SDC2: variants seen among roughly 807,000 people sequenced by gnomAD.
SDC2 encodes the protein syndecan-2.
SDC2 carries 13 observed loss-of-function variants against 22.2 expected under a neutral mutation model. The observed-to-expected ratio is 0.59, with a 90% CI of 0.38 to 0.93. SDC2 has a LOEUF of 0.93. Ranked by LOEUF, SDC2 falls within the 40% of genes least tolerant of loss-of-function variation. SDC2 has a pLI of 0.00. For missense variants in SDC2, 235 were observed against 246.8 expected (o/e 0.95, Z 0.32); for synonymous variants, 94 against 92.8 (o/e 1.01, Z -0.07).
At chr8:96,597,916 T>C (rs1814907226) in intron 2 of SDC2, among the ~76,000 whole-genome samples, 1 of 152,264 alleles carries the variant, frequency 6.6e-6, no homozygotes, top group South Asian at 2.1e-4. Flanking sequence ...TCCAAATTCA[T>C]ACATGCAAAT....
At chr8:96,578,883 T>C (rs1814546288) in intron 1 of SDC2, among the ~76,000 whole-genome samples, 2 of 152,204 alleles carry the variant, frequency 1.3e-5, no homozygotes, top group African/African-American at 4.8e-5. Flanking sequence ...GGAATTAAAC[T>C]TCCCAACTAA....
chr8:96,565,296 G>T (rs945338696), intron 1 of SDC2, among the ~76,000 whole-genome samples: 1 of 150,708 alleles, frequency 6.6e-6, no homozygotes, highest in Non-Finnish European at 1.5e-5. Context: ...CATGTTGGCC[G>T]GGATGGTCTC....
chr8:96,517,696 T>C (rs958076062), intron 1 of SDC2, among the ~76,000 whole-genome samples: 1 of 150,488 alleles, frequency 6.6e-6, no homozygotes, highest in African/African-American at 2.4e-5. Flanking sequence ...CTGTATGATT[T>C]ATATGAAGTA....
chr8:96,533,170 G>A (rs1340741511), intron 1 of SDC2, among the ~76,000 whole-genome samples: 1 of 152,206 alleles, frequency 6.6e-6, no homozygotes, highest in Admixed American at 6.5e-5. Flanking sequence ...TGGACCCAAA[G>A]AGTGAGCAGT....
chr8:96,559,567 AC>A (rs1183379683), intron 1 of SDC2, among the ~76,000 whole-genome samples: 2 of 152,250 alleles, frequency 1.3e-5, no homozygotes, highest in East Asian at 3.8e-4. Context: ...ATAGCCATAT[AC>A]CAGATACTGC....
At chr8:96,522,446 C>T (rs1252555571) in intron 1 of SDC2, among the ~76,000 whole-genome samples, 3 of 151,790 alleles carry the variant, frequency 2.0e-5, no homozygotes, top group African/African-American at 7.3e-5. Flanking sequence ...TGTTGTTCTT[C>T]ACTAAAGACA....
At chr8:96,540,118 C>A (rs1391925094) in intron 1 of SDC2, among the ~76,000 whole-genome samples, 1 of 151,574 alleles carries the variant, frequency 6.6e-6, no homozygotes, top group African/African-American at 2.4e-5. Context: ...TATGATTATG[C>A]CTTTCTGATG....
chr8:96,556,928 GA>G (rs1309447818), intron 1 of SDC2, among the ~76,000 whole-genome samples: 1 of 150,484 alleles, frequency 6.6e-6, no homozygotes, highest in African/African-American at 2.4e-5. Flanking sequence ...AAATTTACAA[GA>G]AAAAAACAAA....
At chr8:96,554,625 T>C (rs1402226161) in intron 1 of SDC2, among the ~76,000 whole-genome samples, 1 of 152,208 alleles carries the variant, frequency 6.6e-6, no homozygotes, top group Non-Finnish European at 1.5e-5. Context: ...TTGACAATGA[T>C]GGGACAGAGA....
chr8:96,494,684 T>A (rs1813021261), intron 1 of SDC2, among the ~76,000 whole-genome samples: 1 of 152,026 alleles, frequency 6.6e-6, no homozygotes, highest in Non-Finnish European at 1.5e-5. Context: ...GGGGGGAGCC[T>A]GGGTCGGGCC....
chr8:96,530,541 G>A (rs896938800), intron 1 of SDC2, among the ~76,000 whole-genome samples: 1 of 152,190 alleles, frequency 6.6e-6, no homozygotes, highest in Non-Finnish European at 1.5e-5. Context: ...GGCTGAGGCA[G>A]GAGAATTTCT....
intron 1 of SDC2, among the ~76,000 whole-genome samples, chr8:96,569,106 C>T (rs923435181): frequency 6.6e-6 from 1 of 152,174 alleles, no homozygotes; most frequent in Admixed American, 6.5e-5. Context: ...AACTCCTAGG[C>T]TCAAGTGATC....
intron 1 of SDC2, among the ~76,000 whole-genome samples, chr8:96,500,153 A>G (rs567957877): frequency 6.6e-6 from 1 of 152,260 alleles, no homozygotes; most frequent in South Asian, 2.1e-4. Flanking sequence ...TAAAGAAGAC[A>G]TTGATGTAAC....
intron 1 of SDC2, among the ~76,000 whole-genome samples, chr8:96,572,949 C>T (rs1814420818): frequency 6.6e-6 from 1 of 152,136 alleles, no homozygotes; most frequent in Admixed American, 6.5e-5. Flanking sequence ...CAGGATTGGT[C>T]AGATTGTTGT....
At chr8:96,507,642 C>A (rs753747238) in intron 1 of SDC2, among the ~76,000 whole-genome samples, 1 of 152,136 alleles carries the variant, frequency 6.6e-6, no homozygotes, top group Non-Finnish European at 1.5e-5. Context: ...AGATAAGAAT[C>A]GGGACCAGAA....
chr8:96,586,662 A>G (rs1382594291), intron 1 of SDC2: 1 of 152,166 alleles, frequency 6.6e-6, no homozygotes, highest in Non-Finnish European at 1.5e-5. Flanking sequence ...AAAGTTGCCT[A>G]TTACCTGACA....
chr8:96,580,010 A>T (rs577771674), intron 1 of SDC2, among the ~76,000 whole-genome samples: 2 of 152,320 alleles, frequency 1.3e-5, no homozygotes, highest in Middle Eastern at 3.4e-3. Context: ...AGCACGATTG[A>T]TTATAGCTGC....
intron 1 of SDC2, among the ~76,000 whole-genome samples, chr8:96,529,040 G>A (rs1418627917): frequency 6.6e-6 from 1 of 152,164 alleles, no homozygotes; most frequent in Admixed American, 6.5e-5. Context: ...GATGCCCCTC[G>A]GCCCTAAAGA....
intron 1 of SDC2, among the ~76,000 whole-genome samples, chr8:96,576,640 C>T (rs1009280546): frequency 2.0e-5 from 3 of 148,724 alleles, no homozygotes; most frequent in African/African-American, 5.0e-5. Flanking sequence ...GGGATGGTCT[C>T]GATCTCCTGA....
Sources: gnomAD v4.1 joint callset for allele counts (sites outside exome capture counted in the v4.1 genomes callset) on GRCh38, gnomAD v4.1.1 for gene constraint, MANE v1.5 for transcripts, NCBI Gene and HGNC (gene_info 2026-07-23, HGNC 2026-07-21) for gene names.